Variants in DPP6 observed in about 807,000 individuals in gnomAD.
DPP6 encodes dipeptidyl peptidase like 6.
Under a neutral mutation model 122.6 loss-of-function variants are expected in DPP6, and 69 were observed. The observed-to-expected ratio is 0.56, with a 90% confidence interval of 0.46 to 0.69. The LOEUF (loss-of-function observed/expected upper bound fraction) is 0.69. Among genes scored for constraint, DPP6 ranks in the 30% least tolerant of loss-of-function variants. The probability of loss-of-function intolerance (pLI) is 0.00; values close to 1 mark genes in which losing one functional copy is unlikely to be tolerated. For synonymous variants in DPP6, 418 were observed against 433.1 expected (o/e 0.97, Z 0.43); for missense variants, 928 against 1,116.9 (o/e 0.83, Z 2.41).
chr7:154,002,043 T>G (rs1797714724), intron 1 of DPP6, among the ~76,000 whole-genome samples: 1 of 152,176 alleles, frequency 6.6e-6, no homozygotes, highest in Non-Finnish European at 1.5e-5. Flanking sequence ...GGTGTGTGTT[T>G]TCCAAGTTGC....
At chr7:154,479,270 A>C (rs1823019213) in intron 3 of DPP6, among the ~76,000 whole-genome samples, 1 of 152,098 alleles carries the variant, frequency 6.6e-6, no homozygotes, top group Non-Finnish European at 1.5e-5. Context: ...GAAAAGGCCC[A>C]CTCTGGGCCA....
upstream of DPP6, among the ~76,000 whole-genome samples, chr7:153,885,265 A>G (rs925517087): frequency 1.3e-5 from 2 of 152,122 alleles, no homozygotes; most frequent in African/African-American, 4.8e-5. Context: ...TCAACAGTGT[A>G]AGTGACCTGT....
the DPP6 span, among the ~76,000 whole-genome samples, chr7:153,822,181 CTTTTTTTTTTTTT>C: frequency 3.2e-5 from 2 of 61,880 alleles, no homozygotes; most frequent in African/African-American, 1.3e-4. Context: ...GGGGGGGAAT[CTTTTTTTTTTTTT>C]TTTTTTTTTT....
chr7:154,706,300 G>T (rs1024036785), intron 7 of DPP6, among the ~76,000 whole-genome samples: 4 of 152,100 alleles, frequency 2.6e-5, no homozygotes, highest in African/African-American at 9.7e-5. Flanking sequence ...CCTCTCCTGC[G>T]ATGCTCTCAT....
chr7:154,587,332 C>A, intron 5 of DPP6: 1 of 393,084 alleles, frequency 2.5e-6, no homozygotes, highest in South Asian at 3.1e-5. Flanking sequence ...AGACTTAGAA[C>A]CTTATTCCTC....
At chr7:154,525,303 C>G (rs1416938120) in intron 3 of DPP6, among the ~76,000 whole-genome samples, 1 of 152,140 alleles carries the variant, frequency 6.6e-6, no homozygotes, top group Non-Finnish European at 1.5e-5. Flanking sequence ...ACCACCATAC[C>G]CAGCTAACTT....
intron 1 of DPP6, among the ~76,000 whole-genome samples, chr7:154,307,492 C>T (rs937605078): frequency 6.6e-6 from 1 of 152,162 alleles, no homozygotes; most frequent in Non-Finnish European, 1.5e-5. Flanking sequence ...GCCCCCACCC[C>T]CACCATGAAG....
chr7:153,809,377 G>A, the DPP6 span, among the ~76,000 whole-genome samples: 1 of 152,078 alleles, frequency 6.6e-6, no homozygotes, highest in Non-Finnish European at 1.5e-5. Flanking sequence ...TCTACATCAT[G>A]TCTGCTCATC....
intron 4 of DPP6, among the ~76,000 whole-genome samples, chr7:154,550,056 A>G (rs779220606): frequency 9.2e-5 from 14 of 152,220 alleles, no homozygotes; most frequent in African/African-American, 3.4e-4. Flanking sequence ...TATTATTTAA[A>G]TTGAACATAA....
chr7:154,017,699 T>TAAAAAAAAAAA (rs1299925458), intron 1 of DPP6, among the ~76,000 whole-genome samples: 1 of 86,716 alleles, frequency 1.2e-5, no homozygotes, highest in African/African-American at 4.9e-5. Context: ...GCCCTTGTCC[T>TAAAAAAAAAAA]AAAAAAAATA....
chr7:154,690,958 T>C (rs746189876), intron 7 of DPP6, among the ~76,000 whole-genome samples: 2 of 152,238 alleles, frequency 1.3e-5, no homozygotes, highest in Non-Finnish European at 2.9e-5. Flanking sequence ...ACTAAATGCT[T>C]AAGCAGGGCT....
chr7:154,320,486 TGTTG>T lies in DPP6; in HGVS notation c.244-125727_244-125724del, dbSNP rs1563473410. On this transcript the variant is annotated intron_variant, in intron 1 of 25. Transcript: ENST00000377770. ...GCCAATTGTACTTTGTTTTTTTTTT[TGTTG>T]TTGTTTTTCTTGAGACAGAATTTTC... 4.0e-5 allele frequency among the ~76,000 whole-genome samples: 6 copies of T among 151,874 alleles called. No homozygotes were observed. In the East Asian group the frequency reaches 9.7e-4, roughly 25 times the overall value.
rs570532453 is a variant in DPP6 at position 153,971,609 on chromosome 7, C to T, written c.51+83875C>T. On this transcript the variant is annotated intron_variant, in intron 1 of 25. Coordinates refer to the DPP6 transcript ENST00000404039. ...TATCTTTTGGCAGGTTATGAGAGTT[C>T]CTGGGTTATGGAAAATGCCATAAAT... Among the ~76,000 whole-genome samples the T allele has an allele frequency of 6.0e-5, 8 of 133,122 alleles. No individual in the cohort carries two copies. The South Asian group carries it at 1.6e-3, about 27-fold the overall frequency. The allele number at this position is 133,122 out of a possible 152,430, so 87.3% of individuals were successfully genotyped here. A position where few individuals can be genotyped will look rare whatever the true frequency, so the allele number is the denominator to read the frequency against.
intron 5 of DPP6, among the ~76,000 whole-genome samples, chr7:154,585,666 A>C (rs559344096): frequency 6.6e-6 from 1 of 152,338 alleles, no homozygotes; most frequent in African/African-American, 2.4e-5. Flanking sequence ...TTGTAGAATC[A>C]AATACAATGT....
chr7:154,029,638 A>C (rs1353286425), intron 1 of DPP6, among the ~76,000 whole-genome samples: 1 of 145,596 alleles, frequency 6.9e-6, no homozygotes, highest in Non-Finnish European at 1.5e-5. Flanking sequence ...TGAGGTCAGG[A>C]GATCGAGACC....
At chr7:154,129,690 G>A (rs1397070200) in intron 1 of DPP6, among the ~76,000 whole-genome samples, 1 of 152,090 alleles carries the variant, frequency 6.6e-6, no homozygotes, top group African/African-American at 2.4e-5. Context: ...ACGAGGTCAG[G>A]AGATTGAGAC....
At chr7:154,078,055 C>T (rs1020880731) in intron 1 of DPP6, among the ~76,000 whole-genome samples, 6 of 152,060 alleles carry the variant, frequency 3.9e-5, no homozygotes, top group African/African-American at 1.2e-4. Flanking sequence ...TAGATATTTC[C>T]GACAGTGTGT....
intron 1 of DPP6, among the ~76,000 whole-genome samples, chr7:154,346,217 A>T (rs1351236846): frequency 1.3e-5 from 2 of 152,158 alleles, no homozygotes; most frequent in African/African-American, 4.8e-5. Context: ...AGGAAAGACC[A>T]TTTGGGTCTT....
intron 1 of DPP6, among the ~76,000 whole-genome samples, chr7:154,023,720 G>T (rs1798832228): frequency 6.6e-6 from 1 of 152,092 alleles, no homozygotes; most frequent in East Asian, 1.9e-4. Flanking sequence ...GATCTCAGGT[G>T]ATTCGCTCGC....
Sources: gnomAD v4.1 joint callset for allele counts (sites outside exome capture counted in the v4.1 genomes callset) on GRCh38, gnomAD v4.1.1 for gene constraint, MANE v1.5 for transcripts, NCBI Gene and HGNC (gene_info 2026-07-23, HGNC 2026-07-21) for gene names.